KALRN: variants seen among roughly 807,000 people sequenced by gnomAD.
KALRN encodes kalirin.
A neutral mutation model predicts 353.7 loss-of-function variants in KALRN; 70 were observed. That is an observed-to-expected ratio of 0.20 (90% CI 0.16 to 0.24). The LOEUF (loss-of-function observed/expected upper bound fraction) is 0.24. Ranked by LOEUF, KALRN falls within the 10% of genes least tolerant of loss-of-function variation. The pLI, the probability that KALRN is intolerant of heterozygous loss-of-function variation, is 1.00. For missense variants in KALRN, 2,791 were observed against 3,756.7 expected (o/e 0.74, Z 6.72); for synonymous variants, 1,391 against 1,434.8 (o/e 0.97, Z 0.69).
At chr3:124,046,493 G>A (rs1450208872) in intron 1 of KALRN, among the ~76,000 whole-genome samples, 1 of 152,192 alleles carries the variant, frequency 6.6e-6, no homozygotes, top group East Asian at 1.9e-4. Context: ...GGGAAGAGAG[G>A]AGATGGATTG....
chr3:124,378,505 GTA>G (rs145141128), intron 10 of KALRN, among the ~76,000 whole-genome samples: 6,915 of 152,086 alleles, frequency 0.045, 519 homozygotes, highest in African/African-American at 0.15. Context: ...TGATTCCTGT[GTA>G]TGGATCTGTA....
intron 51 of KALRN, among the ~76,000 whole-genome samples, chr3:124,691,203 C>T (rs944158061): frequency 2.6e-5 from 4 of 152,016 alleles, no homozygotes; most frequent in Non-Finnish European, 4.4e-5. Flanking sequence ...CCGAGGCAGG[C>T]GGATCACCTG....
At chr3:124,490,208 C>T (rs556250823) in intron 29 of KALRN, among the ~76,000 whole-genome samples, 10 of 152,150 alleles carry the variant, frequency 6.6e-5, no homozygotes, top group East Asian at 3.9e-4. Flanking sequence ...CAGTGACCCA[C>T]GATCATGCCA....
chr3:124,422,586 G>A (rs1030371457), intron 14 of KALRN, among the ~76,000 whole-genome samples: 5 of 152,134 alleles, frequency 3.3e-5, no homozygotes, highest in Non-Finnish European at 7.4e-5. Flanking sequence ...CTGATCATCC[G>A]TTGACTCCTC....
intron 1 of KALRN, among the ~76,000 whole-genome samples, chr3:124,106,141 AT>A (rs1315029712): frequency 2.0e-5 from 3 of 152,338 alleles, no homozygotes; most frequent in South Asian, 4.1e-4. Flanking sequence ...GTAGGAATGG[AT>A]TGAACAAAGA....
intron 34 of KALRN, among the ~76,000 whole-genome samples, chr3:124,575,228 CT>C (rs2073976335): frequency 6.6e-6 from 1 of 152,358 alleles, no homozygotes; most frequent in East Asian, 1.9e-4. Context: ...ATTGTGCCCA[CT>C]TGCCTTACTT....
chr3:124,539,947 T>TCA, intron 33 of KALRN, among the ~76,000 whole-genome samples: 1 of 151,654 alleles, frequency 6.6e-6, no homozygotes. Context: ...GGTCTCACTG[T>TCA]CACCCAGGCT....
chr3:124,205,750 G>A lies in KALRN; in HGVS notation c.74-22240G>A, dbSNP rs1043035786. ...CAGTATAGTACCTTATGTTCATATC[G>A]CTCTCTAAAATTTACCTGATACTTT... On this transcript the variant is annotated intron_variant, in intron 1 of 59. Coordinates refer to ENST00000682506, the MANE Select transcript of KALRN (RefSeq NM_001388419.1). Among the ~76,000 whole-genome samples the A allele has an allele frequency of 2.6e-5, 4 of 152,200 alleles. No individual in the cohort carries two copies. The South Asian group carries it at 6.2e-4, about 24-fold the overall frequency.
intron 33 of KALRN, among the ~76,000 whole-genome samples, chr3:124,553,123 A>G (rs554367552): frequency 6.6e-5 from 10 of 152,342 alleles, no homozygotes; most frequent in African/African-American, 2.4e-4. Flanking sequence ...AACACATCTC[A>G]AGTGCATGCC....
chr3:124,067,522 CA>C (rs911593565), intron 1 of KALRN, among the ~76,000 whole-genome samples: 13 of 150,944 alleles, frequency 8.6e-5, no homozygotes, highest in Admixed American at 2.6e-4. Flanking sequence ...CCCCAACAAA[CA>C]AAAAAAAACC....
chr3:124,628,000 A>G (rs914597095), intron 34 of KALRN, among the ~76,000 whole-genome samples: 3 of 152,234 alleles, frequency 2.0e-5, no homozygotes, highest in Non-Finnish European at 2.9e-5. Flanking sequence ...AGTTATGCAC[A>G]AAACTCAAGC....
At chr3:124,244,528 C>T (rs1020121781) in intron 3 of KALRN, among the ~76,000 whole-genome samples, 4 of 152,300 alleles carry the variant, frequency 2.6e-5, no homozygotes, top group Non-Finnish European at 2.9e-5. Context: ...TGAGCGACCG[C>T]GCCTGGCCTA....
intron 15 of KALRN, among the ~76,000 whole-genome samples, chr3:124,424,631 G>T (rs116463231): frequency 0.011 from 1,603 of 152,208 alleles, 30 homozygotes; most frequent in African/African-American, 0.037. Flanking sequence ...GATTGTTTCT[G>T]CTTAATGACA....
At chr3:124,071,804 A>G (rs2060032786) in intron 1 of KALRN, among the ~76,000 whole-genome samples, 2 of 152,148 alleles carry the variant, frequency 1.3e-5, no homozygotes, top group South Asian at 4.1e-4. Context: ...ATACATCTGA[A>G]CCATAGCTCT....
At chr3:124,146,464 A>G (rs945749433) in intron 1 of KALRN, among the ~76,000 whole-genome samples, 2 of 152,310 alleles carry the variant, frequency 1.3e-5, no homozygotes, top group South Asian at 4.1e-4. Context: ...AAAAAAATCA[A>G]ACTGAGCCTT....
chr3:124,420,899 G>T (rs1049090713), intron 14 of KALRN, among the ~76,000 whole-genome samples: 9 of 152,164 alleles, frequency 5.9e-5, no homozygotes, highest in Non-Finnish European at 1.3e-4. Flanking sequence ...GAGTGAGGGG[G>T]AAATCTCCCA....
At chr3:124,547,056 A>G (rs1005496324) in intron 33 of KALRN, among the ~76,000 whole-genome samples, 3 of 152,206 alleles carry the variant, frequency 2.0e-5, no homozygotes, top group Non-Finnish European at 2.9e-5. Context: ...TAGAAACCAA[A>G]TTGGTTTGAA....
intron 1 of KALRN, among the ~76,000 whole-genome samples, chr3:124,042,336 GA>G (rs1243143876): frequency 6.6e-6 from 1 of 152,182 alleles, no homozygotes; most frequent in Non-Finnish European, 1.5e-5. Context: ...GAAGGCCAAT[GA>G]ATTTGGTCTT....
At chr3:124,168,516 T>TA (rs2071229260) in intron 1 of KALRN, among the ~76,000 whole-genome samples, 1 of 152,134 alleles carries the variant, frequency 6.6e-6, no homozygotes, top group Non-Finnish European at 1.5e-5. Context: ...AGAATGCTGG[T>TA]GAGAGTCATT....
Sources: allele counts gnomAD v4.1 joint callset (sites outside exome capture counted in the v4.1 genomes callset), GRCh38; gene constraint gnomAD v4.1.1; transcripts MANE v1.5; gene names NCBI Gene and HGNC (gene_info 2026-07-23, HGNC 2026-07-21).